The following PCDHGB3 variants were observed in gnomAD, a reference collection of about 807,000 sequenced individuals.
PCDHGB3 encodes protocadherin gamma-B3.
Under a neutral mutation model 59.2 loss-of-function variants are expected in PCDHGB3, and 40 were observed. The observed-to-expected ratio is 0.68, with a 90% CI of 0.52 to 0.88. The LOEUF is 0.88. Among genes scored for constraint, PCDHGB3 ranks in the 40% least tolerant of loss-of-function variants. The probability of loss-of-function intolerance (pLI) is 0.00; values close to 1 mark genes in which losing one functional copy is unlikely to be tolerated. For missense variants in PCDHGB3, 1,309 were observed against 1,187.9 expected, an observed-to-expected ratio of 1.10 and a Z score of -1.50; for synonymous variants, 581 against 503.6, an observed-to-expected ratio of 1.15 and a Z score of -2.06.
At chr5:141,404,532 A>G in intron 1 of PCDHGB3, 1 of 1,613,918 alleles carries the variant, frequency 6.2e-7, no homozygotes, top group Non-Finnish European at 8.5e-7. Context: ...CAGTTTAGAG[A>G]TTTGCAAATG....
chr5:141,383,941 A>G (rs754217444), intron 1 of PCDHGB3: 1 of 1,613,742 alleles, frequency 6.2e-7, no homozygotes, highest in African/African-American at 1.3e-5. Flanking sequence ...TCCAGAAGTG[A>G]CTATGACGTC....
chr5:141,399,649 G>A (rs1325160100), intron 1 of PCDHGB3: 2 of 1,613,794 alleles, frequency 1.2e-6, no homozygotes, highest in East Asian at 2.2e-5. Flanking sequence ...CGCGCAAAGT[G>A]GGGTGGTGTT....
At chr5:141,393,115 G>A (rs1342924521) in intron 1 of PCDHGB3, 1 of 1,613,438 alleles carries the variant, frequency 6.2e-7, no homozygotes. Context: ...CAGAGCCCGC[G>A]GTGTCTGATA....
In PCDHGB3 at chr5:141,418,992, A is replaced by G. The variant is rs554523363; in HGVS notation, c.2415+46183A>G. 28 of 1,613,802 alleles carry G rather than the reference A, an allele frequency of 1.7e-5. No individual in the cohort carries two copies. The African/African-American group carries it at 2.7e-4, about 15-fold the overall frequency. On this transcript the variant is annotated intron_variant, in intron 1 of 3. Coordinates refer to ENST00000576222, the MANE Select transcript of PCDHGB3 (RefSeq NM_018924.5). Reference sequence around the variant, plus strand: ...AAAACACGGGACCAAGACTCAGGGGAAAATGGGGAAGTCAGGTGTAGCTTA... The same window carrying G: ...AAAACACGGGACCAAGACTCAGGGGGAAATGGGGAAGTCAGGTGTAGCTTA...
At chr5:141,436,053 A>G (rs971342534) in intron 1 of PCDHGB3, among the ~76,000 whole-genome samples, 2 of 152,232 alleles carry the variant, frequency 1.3e-5, no homozygotes, top group African/African-American at 2.4e-5. Flanking sequence ...TAGTTTTCAA[A>G]TAGAATTTAA....
At chr5:141,410,693 A>C in intron 1 of PCDHGB3, 1 of 1,496,902 alleles carries the variant, frequency 6.7e-7, no homozygotes, top group Non-Finnish European at 8.9e-7. Flanking sequence ...ATACTACTTT[A>C]TTTTCATATC....
chr5:141,457,159 T>C (rs908257499), intron 1 of PCDHGB3, among the ~76,000 whole-genome samples: 5 of 152,212 alleles, frequency 3.3e-5, no homozygotes, highest in Non-Finnish European at 7.3e-5. Flanking sequence ...GGTGCTACCA[T>C]GGATAACCCT....
Position 141,422,887 on chromosome 5 carries a change from C to G in PCDHGB3, c.2415+50078C>G, listed in dbSNP as rs2154549815. ...CAACGTGTCGCTGAGCCTGTTCGTG[C>G]TGGACCAGAACGACAATGCGCCCGA... On this transcript the variant is annotated intron_variant, in intron 1 of 3. Coordinates refer to ENST00000576222, the MANE Select transcript of PCDHGB3 (RefSeq NM_018924.5). The G allele has an allele frequency of 2.5e-6, 4 of 1,614,264 alleles. No homozygotes were observed. In the Middle Eastern group the frequency reaches 4.9e-4, roughly 200 times the overall value.
intron 1 of PCDHGB3, chr5:141,478,233 TG>T (rs1467423955): frequency 3.7e-6 from 6 of 1,614,126 alleles, no homozygotes; most frequent in Non-Finnish European, 5.1e-6. Flanking sequence ...GTGGGGTTTG[TG>T]GTCACAGTGT....
chr5:141,371,133 T>A lies in PCDHGB3; in HGVS notation c.739T>A (p.Tyr247Asn). Residue 247 changes from tyrosine (Y) to asparagine (N), a missense_variant, in exon 1 of 4, where the codon TAC becomes AAC. Coordinates refer to ENST00000576222, the MANE Select transcript of PCDHGB3 (RefSeq NM_018924.5). The part of the protein sequence containing the change: ...DNPPVFTQDM[Y>N]RVNVAENLPA... The stretch of plus-strand genomic sequence containing the variant: ...CCCCCCAGTATTTACTCAGGACATG[T>A]ACAGGGTCAATGTTGCAGAGAACCT... 1.2e-6 allele frequency: 2 copies of A among 1,614,000 alleles called. No individual in the cohort carries two copies. The highest frequency in any genetic ancestry group is 1.7e-6 in the Non-Finnish European group (2 of 1,179,896).
rs542248328 is a variant in PCDHGB3, at chr5:141,432,682, C to T, written c.2415+59873C>T. ...TGGACAGAGACGCGCTCAAGCAGAG[C>T]CTCGTAGTGGCCGTCCAGGACCACG... On this transcript the variant is annotated intron_variant, in intron 1 of 3. Coordinates refer to ENST00000576222, the MANE Select transcript of PCDHGB3 (RefSeq NM_018924.5). This position sits in a 1 kb window ranked among gnomAD's most constrained non-coding sequence, Gnocchi z 6.0. The T allele has an allele frequency of 6.5e-5, 105 of 1,613,976 alleles. No homozygotes were observed. In the African/African-American group the frequency reaches 1.1e-3, roughly 17 times the overall value.
intron 3 of PCDHGB3, among the ~76,000 whole-genome samples, chr5:141,505,995 C>T (rs1041284805): frequency 5.3e-5 from 8 of 152,142 alleles, no homozygotes; most frequent in African/African-American, 1.4e-4. Flanking sequence ...CCTCTTTATG[C>T]GAGGCTCCTC....
chr5:141,489,944 T>C lies in PCDHGB3; in HGVS notation c.2416-4863T>C. On this transcript the variant is annotated intron_variant, in intron 1 of 3. Coordinates refer to ENST00000576222, the MANE Select transcript of PCDHGB3 (RefSeq NM_018924.5). The surrounding 1 kb of genome is among the most constrained non-coding windows in gnomAD (Gnocchi z 4.5). Reference sequence around the variant, plus strand: ...CTTATCTCTGTCATCGTGCTGGACATCAATGATAATGCTCCAACCTTCCAA... The same window carrying C: ...CTTATCTCTGTCATCGTGCTGGACACCAATGATAATGCTCCAACCTTCCAA... 6.2e-7 allele frequency: 1 copy of C among 1,614,172 alleles called. No homozygotes were observed. Among genetic ancestry groups the C allele is most frequent in the Non-Finnish European group, 8.5e-7 (1 of 1,180,010 alleles).
intron 1 of PCDHGB3, chr5:141,395,911 T>C (rs964928270): frequency 2.6e-5 from 4 of 152,144 alleles, no homozygotes; most frequent in African/African-American, 9.7e-5. Flanking sequence ...CATGGAGACA[T>C]GAAATCTAAA....
Position 141,477,588 on chromosome 5 carries a change from G to T in PCDHGB3, c.2416-17219G>T. 1 of 1,614,152 alleles carries T rather than the reference G, an allele frequency of 6.2e-7. No individual in the cohort carries two copies. The highest frequency in any genetic ancestry group is 8.5e-7 in the Non-Finnish European group (1 of 1,180,040). ...GACCCCGACGCCCCGCAGAATGCTCGGCTTTCTTTCTTTCTCTTGGAGCAA... is the reference window on the plus strand; with the variant it reads ...GACCCCGACGCCCCGCAGAATGCTCTGCTTTCTTTCTTTCTCTTGGAGCAA... On this transcript the variant is annotated intron_variant, in intron 1 of 3. Coordinates refer to ENST00000576222, the MANE Select transcript of PCDHGB3 (RefSeq NM_018924.5). This position sits in a 1 kb window ranked among gnomAD's most constrained non-coding sequence, Gnocchi z 4.9.
intron 1 of PCDHGB3, among the ~76,000 whole-genome samples, chr5:141,436,594 G>T (rs79477223): frequency 0.052 from 7,980 of 152,210 alleles, 223 homozygotes; most frequent in South Asian, 0.079. Flanking sequence ...AAAGGTCGTG[G>T]TGATGGCTAG....
chr5:141,423,972 T>A (rs1459859824), intron 1 of PCDHGB3: 2 of 1,128,544 alleles, frequency 1.8e-6, no homozygotes, highest in African/African-American at 3.3e-5. Flanking sequence ...CTATTATCAG[T>A]GTATGAGGCT....
At chr5:141,416,982 T>C (rs191309825) in intron 1 of PCDHGB3, 25 of 152,264 alleles carry the variant, frequency 1.6e-4, no homozygotes, top group African/African-American at 5.5e-4. Context: ...GAGTCAAAAT[T>C]ATTGTGCATT....
At chr5:141,417,621 A>G in intron 1 of PCDHGB3, 1 of 662,852 alleles carries the variant, frequency 1.5e-6, no homozygotes, top group Non-Finnish European at 2.4e-6. Context: ...GTGCAGAGCA[A>G]GCGCTGACGC....
Sources: allele counts gnomAD v4.1 joint callset (sites outside exome capture counted in the v4.1 genomes callset), GRCh38; gene constraint gnomAD v4.1.1; non-coding constraint Gnocchi (gnomAD v3.1); transcripts MANE v1.5; gene names NCBI Gene and HGNC (gene_info 2026-07-23, HGNC 2026-07-21).